The following FIGN variants were observed in gnomAD, a reference collection of about 807,000 sequenced individuals.
The protein encoded by FIGN is fidgetin, microtubule severing factor, also known as fidgetin.
Under a neutral mutation model 51.3 loss-of-function variants are expected in FIGN, and 11 were observed. The ratio of observed to expected loss-of-function variants is 0.21; its 90% CI spans 0.13 to 0.35. FIGN has a LOEUF of 0.35. FIGN is among the 10% of genes least tolerant of loss of function. The pLI, the probability that FIGN is intolerant of heterozygous loss-of-function variation, is 1.00. For synonymous variants in FIGN, 407 were observed against 363.2 expected (o/e 1.12, Z -1.37); for missense variants, 857 against 943.6 (o/e 0.91, Z 1.20).
At chr2:163,668,219 GAC>G (rs1330531335) in intron 2 of FIGN, among the ~76,000 whole-genome samples, 1 of 152,062 alleles carries the variant, frequency 6.6e-6, no homozygotes, top group African/African-American at 2.4e-5. Flanking sequence ...AGTATTTAAA[GAC>G]ACCATGGGGC....
chr2:163,714,711 C>G (rs1477301788), intron 2 of FIGN, among the ~76,000 whole-genome samples: 1 of 152,150 alleles, frequency 6.6e-6, no homozygotes, highest in African/African-American at 2.4e-5. Context: ...AAAAAGCAAA[C>G]CAAAAGATGT....
chr2:163,610,914 C>A lies in FIGN; in HGVS notation c.918G>T (p.Ser306=), dbSNP rs1266754173. Residue 306 remains serine, a synonymous_variant, in exon 3 of 3, where the codon TCG becomes TCT. Coordinates refer to ENST00000333129, the MANE Select transcript of FIGN (RefSeq NM_018086.4). ...AACTTGCTGAACTGTTTGTCAGAGC[C>A]GACGGTGCAATAGGTGTCAAACCAT... ...QGHGLTPIAP[S]ALTNSSASSL... The A allele has an allele frequency of 1.9e-6, 3 of 1,612,240 alleles. No individual in the cohort carries two copies. The Admixed American group carries it at 5.0e-5, about 27-fold the overall frequency.
chr2:163,726,077 T>C (rs765896329), intron 2 of FIGN, among the ~76,000 whole-genome samples: 1 of 152,068 alleles, frequency 6.6e-6, no homozygotes, highest in Non-Finnish European at 1.5e-5. Flanking sequence ...ATTGTATTCA[T>C]AGTATGTTTA....
intron 2 of FIGN, among the ~76,000 whole-genome samples, chr2:163,659,061 C>T (rs1490156921): frequency 1.3e-5 from 2 of 152,050 alleles, no homozygotes; most frequent in Non-Finnish European, 2.9e-5. Flanking sequence ...CTTCGAAGTT[C>T]ATAAATTTCT....
intron 2 of FIGN, among the ~76,000 whole-genome samples, chr2:163,701,986 T>G (rs1684414665): frequency 6.6e-6 from 1 of 152,130 alleles, no homozygotes; most frequent in Non-Finnish European, 1.5e-5. Context: ...ATTTGTACCA[T>G]CAGTGCTGGG....
intron 2 of FIGN, among the ~76,000 whole-genome samples, chr2:163,677,776 G>A (rs183669732): frequency 6.6e-6 from 1 of 152,262 alleles, no homozygotes; most frequent in Admixed American, 6.5e-5. Flanking sequence ...GCCTGACACT[G>A]TTGTCTTTGT....
intron 2 of FIGN, among the ~76,000 whole-genome samples, chr2:163,683,677 G>T (rs1487628015): frequency 1.3e-5 from 2 of 152,076 alleles, no homozygotes; most frequent in Non-Finnish European, 2.9e-5. Flanking sequence ...ACTGATAACT[G>T]GTTCTCACCC....
intron 2 of FIGN, among the ~76,000 whole-genome samples, chr2:163,620,746 G>T (rs528137438): frequency 7.0e-4 from 106 of 151,926 alleles, no homozygotes; most frequent in African/African-American, 2.5e-3. Context: ...GAAACATCTG[G>T]CATGATACCA....
At chr2:163,675,946 G>T (rs1348718942) in intron 2 of FIGN, among the ~76,000 whole-genome samples, 1 of 151,358 alleles carries the variant, frequency 6.6e-6, no homozygotes, top group Non-Finnish European at 1.5e-5. Flanking sequence ...AGAGCTGGAG[G>T]GAGGGGTGGG....
chr2:163,620,331 T>C (rs1391287692), intron 2 of FIGN, among the ~76,000 whole-genome samples: 4 of 152,198 alleles, frequency 2.6e-5, no homozygotes, highest in Non-Finnish European at 5.9e-5. Context: ...TAAGGCCATC[T>C]ACCCTTCCCC....
Position 163,611,139 on chromosome 2 carries a change from G to C in FIGN, c.693C>G (p.Ala231=). The C allele has an allele frequency of 6.2e-7, 1 of 1,614,154 alleles. No homozygotes were observed. Among genetic ancestry groups the C allele is most frequent in the South Asian group, 1.1e-5 (1 of 91,088 alleles). ...AAGTCCCATTGTAGCCTGGGACCAA[G>C]GCTGGTGGCGGAGGAGGTGGTGGTG... ...QPPPPPPPPP[A]LVPGYNGTSN... is the part of the protein sequence containing the mutation. The change falls in exon 3 of 3, where the codon GCC becomes GCG. Residue 231 remains alanine (A), a synonymous_variant. Coordinates refer to ENST00000333129, the MANE Select transcript of FIGN (RefSeq NM_018086.4).
In FIGN at chr2:163,606,830, T is replaced by TACG. The variant is rs1283527041; in HGVS notation, c.*2719_*2721dup. 2 of 152,210 alleles carry TACG rather than the reference T, an allele frequency of 1.3e-5. No homozygotes were observed. Among genetic ancestry groups the TACG allele is most frequent in the Non-Finnish European group, 2.9e-5 (2 of 68,032 alleles). 9.4% of individuals were successfully genotyped at this position (152,210 alleles called of 1,614,324 possible). A position where few individuals can be genotyped will look rare whatever the true frequency, so the allele number is the denominator to read the frequency against. On this transcript the variant is annotated 3_prime_UTR_variant, in exon 3 of 3. Transcript: ENST00000333129. ...TTTGTGAGGCTAAATGAAAATCACA[T>TACG]ACGACTTCAGCTTCTGTCTAAATAC... is the stretch of plus-strand genomic sequence containing the variant.
chr2:163,733,932 T>C lies in FIGN; in HGVS notation c.25+971A>G, dbSNP rs528359401. Among the ~76,000 whole-genome samples the C allele has an allele frequency of 9.7e-5, 8 of 82,186 alleles. No homozygotes were observed. The East Asian group carries it at 2.8e-3, about 29-fold the overall frequency. 53.9% of individuals were successfully genotyped at this position (82,186 alleles called of 152,430 possible). ...GGAATTAACGGTCATGGGGTAAACA[T>C]AGCAACAACCAAAAAAAAAAAAAAA... On this transcript the variant is annotated intron_variant, in intron 2 of 2. Transcript: ENST00000333129.
At chr2:163,715,806 T>C (rs1347291747) in intron 2 of FIGN, among the ~76,000 whole-genome samples, 1 of 152,192 alleles carries the variant, frequency 6.6e-6, no homozygotes, top group Non-Finnish European at 1.5e-5. Flanking sequence ...AGGCTAAGGC[T>C]GGGTATGAAT....
intron 2 of FIGN, among the ~76,000 whole-genome samples, chr2:163,662,590 G>A (rs1488974142): frequency 6.6e-6 from 1 of 152,210 alleles, no homozygotes; most frequent in East Asian, 1.9e-4. Flanking sequence ...AGAGGCTGAA[G>A]AGGAAGAGGT....
At chr2:163,643,635 A>T (rs1365636886) in intron 2 of FIGN, among the ~76,000 whole-genome samples, 1 of 147,680 alleles carries the variant, frequency 6.8e-6, no homozygotes, top group Non-Finnish European at 1.5e-5. Flanking sequence ...TGGGCGACAG[A>T]GCTAGACTCA....
chr2:163,692,888 A>G (rs1191916758), intron 2 of FIGN, among the ~76,000 whole-genome samples: 31 of 152,228 alleles, frequency 2.0e-4, no homozygotes, highest in Admixed American at 2.0e-3. Context: ...TCTGCGAAGA[A>G]AAAGTAAAAG....
chr2:163,719,891 T>C (rs536915421), intron 2 of FIGN, among the ~76,000 whole-genome samples: 1 of 152,328 alleles, frequency 6.6e-6, no homozygotes, highest in East Asian at 1.9e-4. Context: ...CTCTAAAATT[T>C]AGCCTCTATA....
At chr2:163,682,451 C>G (rs150681896) in intron 2 of FIGN, among the ~76,000 whole-genome samples, 1 of 152,110 alleles carries the variant, frequency 6.6e-6, no homozygotes, top group African/African-American at 2.4e-5. Context: ...AGGAGGAGTA[C>G]GTGGCAAAAG....
Sources: allele counts gnomAD v4.1 joint callset (sites outside exome capture counted in the v4.1 genomes callset), GRCh38; gene constraint gnomAD v4.1.1; transcripts MANE v1.5; gene names NCBI Gene and HGNC (gene_info 2026-07-23, HGNC 2026-07-21).